AFF4: variants seen among roughly 807,000 people sequenced by gnomAD.
AFF4 encodes the protein AF4/FMR2 family member 4.
AFF4 carries 13 observed loss-of-function variants against 124.8 expected under a neutral mutation model. The observed-to-expected ratio is 0.10, with a 90% CI of 0.07 to 0.17. AFF4 has a LOEUF of 0.17. Among genes scored for constraint, AFF4 ranks in the 10% least tolerant of loss-of-function variants. AFF4 has a pLI of 1.00. For missense variants in AFF4, 1,092 were observed against 1,403.8 expected (o/e 0.78, Z 3.55); for synonymous variants, 477 against 496.1 (o/e 0.96, Z 0.51).
intron 19 of AFF4, among the ~76,000 whole-genome samples, chr5:132,884,065 C>G (rs1235058079): frequency 3.9e-5 from 6 of 152,160 alleles, no homozygotes; most frequent in Non-Finnish European, 8.8e-5. Flanking sequence ...CTCTCTCAAG[C>G]AACTGTAATC....
chr5:132,932,312 A>C lies in AFF4; in HGVS notation c.919-90T>G, dbSNP rs541904333. 228 of 1,037,880 alleles carry C rather than the reference A, an allele frequency of 2.2e-4. No individual in the cohort carries two copies. The African/African-American group carries it at 3.4e-3, about 15-fold the overall frequency. 64.3% of individuals were successfully genotyped at this position (1,037,880 alleles called of 1,614,324 possible). A position where few individuals can be genotyped will look rare whatever the true frequency, so the allele number is the denominator to read the frequency against. On this transcript the variant is annotated intron_variant, in intron 3 of 20. Transcript: ENST00000265343. Reference sequence around the variant, plus strand: ...TTTAAAAACATTATTAAAAGTATTTATGACCCCACTACTCTAAATCAGTAC... The same window carrying C: ...TTTAAAAACATTATTAAAAGTATTTCTGACCCCACTACTCTAAATCAGTAC...
intron 5 of AFF4, among the ~76,000 whole-genome samples, chr5:132,904,733 A>C (rs1330561182): frequency 1.3e-5 from 2 of 152,182 alleles, no homozygotes; most frequent in African/African-American, 4.8e-5. Flanking sequence ...TTTAAAACTA[A>C]AGGTAATACC....
intron 5 of AFF4, among the ~76,000 whole-genome samples, chr5:132,910,494 T>A (rs1760770387): frequency 6.6e-6 from 1 of 152,206 alleles, no homozygotes; most frequent in Admixed American, 6.5e-5. Flanking sequence ...TTCTCCCTTC[T>A]CTGTCCTCTC....
intron 5 of AFF4, among the ~76,000 whole-genome samples, chr5:132,918,012 C>T (rs913786658): frequency 6.6e-6 from 1 of 151,362 alleles, no homozygotes; most frequent in Non-Finnish European, 1.5e-5. Context: ...GCCACCGCAT[C>T]CAGCCCATGA....
intron 5 of AFF4, among the ~76,000 whole-genome samples, chr5:132,910,588 A>G (rs996819549): frequency 3.6e-4 from 55 of 152,332 alleles, no homozygotes; most frequent in African/African-American, 1.2e-3. Flanking sequence ...TATATTACAC[A>G]TGAAGTTGTA....
chr5:132,942,821 G>GT (rs1761605110), intron 1 of AFF4: 1 of 159,552 alleles, frequency 6.3e-6, no homozygotes, highest in African/African-American at 2.4e-5. Flanking sequence ...CCTGGGTGCA[G>GT]TGGCTCATGC....
intron 1 of AFF4, among the ~76,000 whole-genome samples, chr5:132,937,462 T>C (rs560589937): frequency 1.3e-5 from 2 of 152,340 alleles, no homozygotes; most frequent in East Asian, 3.9e-4. Context: ...TGAAGTACTC[T>C]GTTAGCTAAA....
chr5:132,931,601 T>C (rs944206394), intron 4 of AFF4, among the ~76,000 whole-genome samples: 3 of 152,240 alleles, frequency 2.0e-5, no homozygotes, highest in Admixed American at 6.5e-5. Context: ...ACAGTTATAA[T>C]TGGCTTGTTA....
chr5:132,892,094 A>G (rs901361908), intron 13 of AFF4, 70 bp downstream of exon 13: 1 of 1,608,348 alleles, frequency 6.2e-7, no homozygotes, highest in African/African-American at 1.3e-5. Flanking sequence ...TTCAAAGCAC[A>G]GTGTCACCCT....
chr5:132,914,484 C>A (rs2150084419), intron 5 of AFF4, among the ~76,000 whole-genome samples: 1 of 151,730 alleles, frequency 6.6e-6, no homozygotes, highest in East Asian at 1.9e-4. Context: ...GCCTGTAATC[C>A]CAGCTACTCA....
chr5:132,916,238 CAAAAAAAAAAAAAAAA>C (rs70974061), intron 5 of AFF4, among the ~76,000 whole-genome samples: 1 of 50,676 alleles, frequency 2.0e-5, no homozygotes, highest in Non-Finnish European at 3.3e-5. Flanking sequence ...GATGCTGTCT[CAAAAAAAAAAAAAAAA>C]AAAAAAAAAA....
chr5:132,915,611 A>C (rs1760892146), intron 5 of AFF4, among the ~76,000 whole-genome samples: 1 of 137,078 alleles, frequency 7.3e-6, no homozygotes, highest in Non-Finnish European at 1.5e-5. Flanking sequence ...TCTGTCACTC[A>C]GGCTGGAGTG....
rs139496342 is a variant in AFF4 at position 132,888,817 on chromosome 5, C to T, written c.2732+262G>A. ...GGTTCAAGCAGTTCTCCTGCCTCAG[C>T]CTCCTGAATAGCTGCGATTACAGGT... On this transcript the variant is annotated intron_variant, in intron 14 of 20. Coordinates refer to ENST00000265343, the MANE Select transcript of AFF4 (RefSeq NM_014423.4). Among the ~76,000 whole-genome samples, 114 of 152,184 alleles carry T rather than the reference C, an allele frequency of 7.5e-4. 2 individuals carry two copies. The Middle Eastern group carries it at 0.017, about 23-fold the overall frequency.
At chr5:132,906,161 G>T (rs974980701) in intron 5 of AFF4, among the ~76,000 whole-genome samples, 1 of 152,206 alleles carries the variant, frequency 6.6e-6, no homozygotes, top group African/African-American at 2.4e-5. Context: ...ACCCTGGTAA[G>T]AATGCGAAAT....
At chr5:132,926,246 G>T (rs1339861054) in intron 5 of AFF4, 2 of 477,058 alleles carry the variant, frequency 4.2e-6, no homozygotes, top group Non-Finnish European at 8.4e-6. Flanking sequence ...GGGATGAAGG[G>T]GACGGAATTG....
Position 132,896,501 on chromosome 5 carries a change from T to G in AFF4, c.2129A>C (p.Asp710Ala). The G allele has an allele frequency of 6.2e-7, 1 of 1,614,176 alleles. No individual in the cohort carries two copies. The highest frequency in any genetic ancestry group is 1.6e-4 in the Middle Eastern group (1 of 6,062). The change falls in exon 11 of 21, where the codon GAC becomes GCC. Residue 710 changes from aspartate (D) to alanine (A), a missense_variant. Physicochemically the swap from Asp to Ala is moderately radical, Grantham distance 126. Coordinates refer to ENST00000265343, the MANE Select transcript of AFF4 (RefSeq NM_014423.4). ...ELLSPLSEPD[D>A]RYPLIVKIDL... ...AATCTTCACAATAAGTGGGTACCTG[T>G]CATCAGGCTCACTGAGGGGTGAAAG... is the stretch of plus-strand genomic sequence containing the variant.
At chr5:132,917,349 G>A (rs1309640000) in intron 5 of AFF4, among the ~76,000 whole-genome samples, 1 of 152,044 alleles carries the variant, frequency 6.6e-6, no homozygotes, top group Non-Finnish European at 1.5e-5. Context: ...TAGGCAAAGA[G>A]GAATAGAAGA....
chr5:132,907,204 C>G (rs552136485), intron 5 of AFF4, among the ~76,000 whole-genome samples: 1 of 152,268 alleles, frequency 6.6e-6, no homozygotes, highest in South Asian at 2.1e-4. Flanking sequence ...TCTAATGGAT[C>G]TTCCTAGCTC....
chr5:132,920,347 C>T (rs372290145), intron 5 of AFF4, among the ~76,000 whole-genome samples: 70 of 142,864 alleles, frequency 4.9e-4, no homozygotes, highest in African/African-American at 1.5e-3. Context: ...ACCAGCCCAG[C>T]GGGCAAACAT....
Sources: gnomAD v4.1 joint callset for allele counts (sites outside exome capture counted in the v4.1 genomes callset) on GRCh38, gnomAD v4.1.1 for gene constraint, MANE v1.5 for transcripts, NCBI Gene and HGNC (gene_info 2026-07-23, HGNC 2026-07-21) for gene names.